Variants in IQSEC3 observed in about 807,000 individuals in gnomAD.
IQSEC3 encodes the protein IQ motif and Sec7 domain ArfGEF 3.
IQSEC3 carries 50 observed loss-of-function variants against 105.4 expected under a neutral mutation model. That is an observed-to-expected ratio of 0.47 (90% CI 0.38 to 0.60). The LOEUF is 0.60. Among genes scored for constraint, IQSEC3 ranks in the 20% least tolerant of loss-of-function variants. The probability of loss-of-function intolerance (pLI) is 0.00; values close to 1 mark genes in which losing one functional copy is unlikely to be tolerated. For synonymous variants in IQSEC3, 708 were observed against 746.0 expected, an observed-to-expected ratio of 0.95 and a Z score of 0.83; for missense variants, 1,415 against 1,630.0, an observed-to-expected ratio of 0.87 and a Z score of 2.27.
intron 2 of IQSEC3, among the ~76,000 whole-genome samples, chr12:105,526 A>G (rs1864619323): frequency 6.6e-6 from 1 of 152,212 alleles, no homozygotes. Context: ...CTCCATGCCC[A>G]GGAAGATGGC....
rs1555097943 is a variant in IQSEC3 at position 165,442 on chromosome 12, A to G, written c.2718A>G (p.Lys906=). Residue 906 remains lysine, a synonymous_variant, in exon 10 of 14, where the codon AAA becomes AAG. Coordinates refer to ENST00000538872, the MANE Select transcript of IQSEC3 (RefSeq NM_001170738.2). ...FLFNDLLVIL[K]LCPKKKSSST... ...TTCCCTCTCCTGAACAGATTCTCAA[A>G]CTTTGCCCGAAGAAGAAGAGCTCCT... 6.2e-7 allele frequency: 1 copy of G among 1,613,986 alleles called. No homozygotes were observed. Among genetic ancestry groups the G allele is most frequent in the East Asian group, 2.2e-5 (1 of 44,892 alleles).
At chr12:139,381 G>T in intron 4 of IQSEC3, 27 bp downstream of exon 4, 1 of 1,508,280 alleles carries the variant, frequency 6.6e-7, no homozygotes, top group Non-Finnish European at 8.9e-7. Context: ...CCCCAGCCCG[G>T]AGTCCTGGGC....
rs1238870815 is a variant in IQSEC3 at position 66,816 on chromosome 12, C to T, written c.-67C>T. 9.9e-6 allele frequency: 13 copies of T among 1,316,636 alleles called. No homozygotes were observed. Among genetic ancestry groups the T allele is most frequent in the Admixed American group, 4.2e-5 (1 of 23,902 alleles). The allele number at this position is 1,316,636 out of a possible 1,614,324, so 81.6% of individuals were successfully genotyped here. ...GCGAGCCGACCGCTGGGCTGCTGGG[C>T]TCCCGCGCCCTCGCGCTCCCCGCCG... On this transcript the variant is annotated 5_prime_UTR_variant, in exon 1 of 14. Transcript: ENST00000538872.
chr12:161,104 G>A (rs1303570094), intron 7 of IQSEC3, among the ~76,000 whole-genome samples: 1 of 152,204 alleles, frequency 6.6e-6, no homozygotes, highest in Non-Finnish European at 1.5e-5. Flanking sequence ...AGCAGGCCGG[G>A]AGCTGCGTGT....
intron 9 of IQSEC3, among the ~76,000 whole-genome samples, chr12:165,041 C>T (rs1025070786): frequency 2.0e-5 from 3 of 152,230 alleles, no homozygotes; most frequent in Middle Eastern, 3.4e-3. Context: ...GTAATGCAGC[C>T]GTGCAAAAAG....
chr12:107,402 CTT>C lies in IQSEC3; in HGVS notation c.623+8212_623+8213del, dbSNP rs58053657. 2.1e-3 allele frequency among the ~76,000 whole-genome samples: 161 copies of C among 75,974 alleles called. No homozygotes were observed. The East Asian group carries it at 0.03, about 14-fold the overall frequency. The allele number at this position is 75,974 out of a possible 152,430, so 49.8% of individuals were successfully genotyped here. On this transcript the variant is annotated intron_variant, in intron 2 of 13. Coordinates refer to ENST00000538872, the MANE Select transcript of IQSEC3 (RefSeq NM_001170738.2). Reference sequence around the variant, plus strand: ...AGGTTTCCCTCCGGTAGTCTGTTTTCTTTTTTTTTTTTTTTTTTTTTTTTTGA... The same window carrying C: ...AGGTTTCCCTCCGGTAGTCTGTTTTCTTTTTTTTTTTTTTTTTTTTTTTGA...
chr12:161,396 C>A (rs144277249), intron 7 of IQSEC3, among the ~76,000 whole-genome samples: 1 of 152,216 alleles, frequency 6.6e-6, no homozygotes, highest in Non-Finnish European at 1.5e-5. Flanking sequence ...TGCCAGGGGT[C>A]TGCCTGCTCC....
Position 138,943 on chromosome 12 carries a change from C to A in IQSEC3, c.1580C>A (p.Ala527Asp), listed in dbSNP as rs782497212. 3 of 1,580,946 alleles carry A rather than the reference C, an allele frequency of 1.9e-6. No individual in the cohort carries two copies. Among genetic ancestry groups the A allele is most frequent in the Non-Finnish European group, 2.6e-6 (3 of 1,164,914 alleles). The change falls in exon 4 of 14, where the codon GCC becomes GAC. Residue 527 changes from alanine (A) to aspartate (D), a missense_variant. Coordinates refer to ENST00000538872, the MANE Select transcript of IQSEC3 (RefSeq NM_001170738.2). The surrounding 1 kb of genome is among the most constrained non-coding windows in gnomAD (Gnocchi z 7.1). ...CCCGCAGAGCCCGCGGCGGGCAAGG[C>A]CGAGCAGGGCGAGACCTCTGGGCGG... ...QAPAEPAAGK[A>D]EQGETSGREA...
chr12:101,644 AG>A (rs1864425617), intron 2 of IQSEC3, among the ~76,000 whole-genome samples: 1 of 152,018 alleles, frequency 6.6e-6, no homozygotes, highest in African/African-American at 2.4e-5. Flanking sequence ...TCTAGTTCCC[AG>A]TTACTCCAAG....
chr12:99,986 T>C (rs868920837), intron 2 of IQSEC3, among the ~76,000 whole-genome samples: 2 of 151,952 alleles, frequency 1.3e-5, no homozygotes, highest in South Asian at 4.2e-4. Flanking sequence ...TTTTCTCTTT[T>C]CCACCAGTTT....
chr12:92,738 C>T (rs12099819), intron 1 of IQSEC3, among the ~76,000 whole-genome samples: 2,631 of 152,286 alleles, frequency 0.017, 86 homozygotes, highest in African/African-American at 0.06. Flanking sequence ...AATAGGGATG[C>T]AGAGATGCTG....
rs1240664128 is a variant in IQSEC3, at chr12:139,200, G to A, written c.1837G>A (p.Ala613Thr). 1.3e-6 allele frequency: 2 copies of A among 1,591,644 alleles called. No individual in the cohort carries two copies. The highest frequency in any genetic ancestry group is 1.7e-6 in the Non-Finnish European group (2 of 1,171,890). ...STKSAKSGSE[A>T]SASASKDALQ... ...CAAGTCCGCCAAGTCAGGCTCGGAGGCGTCGGCCTCCGCCTCCAAGGACGC... is the reference window on the plus strand; with the variant it reads ...CAAGTCCGCCAAGTCAGGCTCGGAGACGTCGGCCTCCGCCTCCAAGGACGC... The change falls in exon 4 of 14, where the codon GCG (alanine) becomes ACG (threonine). Residue 613 changes from alanine to threonine, a missense_variant. This residue lies in a region of IQSEC3 where 720 missense variants were observed against 633.0 expected (regional missense o/e 1.14). Coordinates refer to ENST00000538872, the MANE Select transcript of IQSEC3 (RefSeq NM_001170738.2).
At chr12:116,988 A>T (rs1865070522) in intron 2 of IQSEC3, among the ~76,000 whole-genome samples, 1 of 152,212 alleles carries the variant, frequency 6.6e-6, no homozygotes, top group South Asian at 2.1e-4. Context: ...TGTATGTTTC[A>T]TCTCTGTGTT....
intron 1 of IQSEC3, among the ~76,000 whole-genome samples, chr12:79,933 C>T (rs1863688355): frequency 6.6e-6 from 1 of 152,170 alleles, no homozygotes. Context: ...TGCTGTTCTG[C>T]ACCTTGAGTT....
chr12:140,040 G>A (rs1238843833), intron 4 of IQSEC3, among the ~76,000 whole-genome samples: 3 of 152,106 alleles, frequency 2.0e-5, no homozygotes, highest in African/African-American at 7.2e-5. Flanking sequence ...CAGGAGGCAG[G>A]CACTCGCCTC....
chr12:174,241 T>C (rs1939151996), intron 13 of IQSEC3, among the ~76,000 whole-genome samples: 1 of 152,154 alleles, frequency 6.6e-6, no homozygotes, highest in Admixed American at 6.5e-5. Flanking sequence ...GGGCAAAGAC[T>C]ATAACCCCTG....
intron 7 of IQSEC3, 84 bp from the exon 8 acceptor site, chr12:161,842 T>C: frequency 2.9e-6 from 4 of 1,401,308 alleles, no homozygotes; most frequent in Non-Finnish European, 3.8e-6. Flanking sequence ...CCAGGCTGGA[T>C]GGGGGTCTCT....
At chr12:105,929 C>T (rs1482878906) in intron 2 of IQSEC3, among the ~76,000 whole-genome samples, 2 of 152,180 alleles carry the variant, frequency 1.3e-5, no homozygotes, top group East Asian at 3.9e-4. Flanking sequence ...CCTGTTGGTG[C>T]TTGGGCTGCC....
intron 13 of IQSEC3, 155 bp downstream of exon 13, chr12:171,316 T>A: frequency 6.2e-7 from 1 of 1,613,816 alleles, no homozygotes; most frequent in Non-Finnish European, 8.5e-7. Context: ...TAAAAGTTAC[T>A]GCTAGCATGG....
Sources: allele counts gnomAD v4.1 joint callset (sites outside exome capture counted in the v4.1 genomes callset), GRCh38; gene constraint gnomAD v4.1.1; regional missense constraint gnomAD v4.1.1; non-coding constraint Gnocchi (gnomAD v3.1); transcripts MANE v1.5; gene names NCBI Gene and HGNC (gene_info 2026-07-23, HGNC 2026-07-21).